Variants in RUSC2 observed in about 807,000 individuals in gnomAD.
RUSC2 encodes the protein AP-4 complex accessory subunit RUSC2.
Under a neutral mutation model 122.2 loss-of-function variants are expected in RUSC2, and 34 were observed. That is an observed-to-expected ratio of 0.28 (90% CI 0.21 to 0.37). RUSC2 has a LOEUF of 0.37. RUSC2 is among the 10% of genes least tolerant of loss of function. RUSC2 has a pLI of 1.00. For missense variants in RUSC2, 1,747 were observed against 1,952.4 expected, an observed-to-expected ratio of 0.89 and a Z score of 1.98; for synonymous variants, 784 against 790.0, an observed-to-expected ratio of 0.99 and a Z score of 0.13.
chr9:35,529,718 T>C (rs1821384569), intron 1 of RUSC2, among the ~76,000 whole-genome samples: 1 of 151,996 alleles, frequency 6.6e-6, no homozygotes, highest in Non-Finnish European at 1.5e-5. Context: ...ACTGAAGACA[T>C]ATCTGCTCAG....
chr9:35,547,832 A>G lies in RUSC2; in HGVS notation c.1311A>G (p.Pro437=), dbSNP rs754255711. 1 of 1,614,176 alleles carries G rather than the reference A, an allele frequency of 6.2e-7. No homozygotes were observed. The highest frequency in any genetic ancestry group is 1.7e-5 in the Admixed American group (1 of 60,022). ...ISPPPGPGPD[P]GPSQPSEYYL... is the part of the protein sequence containing the mutation. Reference sequence around the variant, plus strand: ...CCCCACCAGGCCCTGGCCCAGACCCAGGCCCCAGCCAGCCCTCTGAGTATT... The same window carrying G: ...CCCCACCAGGCCCTGGCCCAGACCCGGGCCCCAGCCAGCCCTCTGAGTATT... Residue 437 remains proline (P), a synonymous_variant, in exon 2 of 12, where the codon CCA becomes CCG. Transcript: ENST00000361226. The surrounding 1 kb of genome is among the most constrained non-coding windows in gnomAD (Gnocchi z 4.6).
At chr9:35,495,436 C>A (rs1820691616) in intron 1 of RUSC2, among the ~76,000 whole-genome samples, 1 of 150,774 alleles carries the variant, frequency 6.6e-6, no homozygotes, top group Non-Finnish European at 1.5e-5. Flanking sequence ...GACCTTTCCC[C>A]ACTGAATGGT....
intron 1 of RUSC2, among the ~76,000 whole-genome samples, chr9:35,521,357 A>T (rs769883616): frequency 2.6e-4 from 40 of 152,302 alleles, no homozygotes; most frequent in Middle Eastern, 3.4e-3. Context: ...TGTTTTCTAG[A>T]TTGAATCCCT....
chr9:35,516,499 A>T (rs1160399162), intron 1 of RUSC2, among the ~76,000 whole-genome samples: 1 of 152,210 alleles, frequency 6.6e-6, no homozygotes, highest in Non-Finnish European at 1.5e-5. Context: ...ACAGAAAGAT[A>T]AAGATGGTTT....
chr9:35,521,531 G>A (rs763084742), intron 1 of RUSC2, among the ~76,000 whole-genome samples: 12 of 152,162 alleles, frequency 7.9e-5, no homozygotes, highest in Non-Finnish European at 1.8e-4. Flanking sequence ...CTGAATTGGA[G>A]CCTTGGGCGC....
intron 1 of RUSC2, among the ~76,000 whole-genome samples, chr9:35,490,393 C>T (rs1011874404): frequency 2.6e-5 from 4 of 152,080 alleles, no homozygotes; most frequent in African/African-American, 9.7e-5. Flanking sequence ...TCTCCTGACC[C>T]TTCAGCTCTG....
chr9:35,548,813 T>G lies in RUSC2; in HGVS notation c.2014+278T>G. The G allele has an allele frequency of 1.1e-6, 1 of 892,432 alleles. No homozygotes were observed. Among genetic ancestry groups the G allele is most frequent in the Non-Finnish European group, 1.3e-6 (1 of 745,110 alleles). The allele number at this position is 892,432 out of a possible 1,614,324, so 55.3% of individuals were successfully genotyped here. A position where few individuals can be genotyped will look rare whatever the true frequency, so the allele number is the denominator to read the frequency against. On this transcript the variant is annotated intron_variant, in intron 2 of 11. Coordinates refer to ENST00000361226, the MANE Select transcript of RUSC2 (RefSeq NM_014806.5). The surrounding 1 kb of genome is among the most constrained non-coding windows in gnomAD (Gnocchi z 4.5). ...GGGAGGCCAAGCCAGGCGAATCACT[T>G]GAGGTCAGGAGTTTGAGACCAGCCT...
At chr9:35,524,580 T>C (rs1432169776) in intron 1 of RUSC2, among the ~76,000 whole-genome samples, 2 of 152,114 alleles carry the variant, frequency 1.3e-5, no homozygotes, top group East Asian at 3.8e-4. Context: ...TGTGTTGGGT[T>C]TTGTCTTGTT....
chr9:35,516,200 G>T (rs1015828780), intron 1 of RUSC2, among the ~76,000 whole-genome samples: 7 of 151,826 alleles, frequency 4.6e-5, no homozygotes, highest in Non-Finnish European at 8.8e-5. Flanking sequence ...TCATTCTTAG[G>T]ATGCTTCTAT....
chr9:35,517,033 T>C (rs1443786353), intron 1 of RUSC2, among the ~76,000 whole-genome samples: 1 of 152,224 alleles, frequency 6.6e-6, no homozygotes, highest in East Asian at 1.9e-4. Context: ...CATACAATTA[T>C]AAATTGTAAA....
intron 1 of RUSC2, among the ~76,000 whole-genome samples, chr9:35,535,691 A>C (rs963447197): frequency 2.0e-5 from 3 of 151,604 alleles, no homozygotes; most frequent in Non-Finnish European, 2.9e-5. Flanking sequence ...GGCGTCCACC[A>C]CCACGCCCGG....
rs1281079279 is a variant in RUSC2 at position 35,557,690 on chromosome 9, A to G, written c.2984-224A>G. Among the ~76,000 whole-genome samples, 2 of 152,208 alleles carry G rather than the reference A, an allele frequency of 1.3e-5. No individual in the cohort carries two copies. The highest frequency in any genetic ancestry group is 2.9e-5 in the Non-Finnish European group (2 of 68,042). On this transcript the variant is annotated intron_variant, in intron 5 of 11. Transcript: ENST00000361226. The surrounding 1 kb of genome is among the most constrained non-coding windows in gnomAD (Gnocchi z 4.6). ...GGACATTGAGAGGCTTGACAGTGGCATCACTGAGGTAGCTCCAGGCTGGGA... is the reference window on the plus strand; with the variant it reads ...GGACATTGAGAGGCTTGACAGTGGCGTCACTGAGGTAGCTCCAGGCTGGGA...
rs867654665 is a variant in RUSC2 at position 35,547,058 on chromosome 9, C to T, written c.537C>T (p.Thr179=). Residue 179 remains threonine (T), a synonymous_variant, in exon 2 of 12, where the codon ACC becomes ACT. Transcript: ENST00000361226. This position sits in a 1 kb window ranked among gnomAD's most constrained non-coding sequence, Gnocchi z 4.6. ...VEGQEQEPVM[T]LDTQQCGTSH... ...GGCAGGAACAGGAGCCAGTGATGAC[C>T]TTGGATACTCAGCAGTGCGGCACCA... The T allele has an allele frequency of 2.5e-6, 4 of 1,612,900 alleles. No individual in the cohort carries two copies. In the Middle Eastern group the frequency reaches 5.0e-4, roughly 200 times the overall value.
At chr9:35,525,069 C>T (rs1446064607) in intron 1 of RUSC2, among the ~76,000 whole-genome samples, 1 of 152,028 alleles carries the variant, frequency 6.6e-6, no homozygotes, top group African/African-American at 2.4e-5. Flanking sequence ...GATATATCAA[C>T]TGGCAAACTT....
chr9:35,518,259 G>GGTATTAACATGTC lies in RUSC2; in HGVS notation c.-93+28087_-93+28088insGTATTAACATGTC, dbSNP rs1300769418. Among the ~76,000 whole-genome samples, 6 of 152,310 alleles carry GGTATTAACATGTC rather than the reference G, an allele frequency of 3.9e-5. No individual in the cohort carries two copies. In the East Asian group the frequency reaches 1.2e-3, roughly 29 times the overall value. ...TAAGGTATTAACATGTCGTGTCACT[G>GGTATTAACATGTC]ATGATGACCTAGGATTGCAGGAAGA... On this transcript the variant is annotated intron_variant, in intron 1 of 11. Coordinates refer to ENST00000361226, the MANE Select transcript of RUSC2 (RefSeq NM_014806.5).
chr9:35,495,959 A>T (rs1409800802), intron 1 of RUSC2, among the ~76,000 whole-genome samples: 2 of 152,112 alleles, frequency 1.3e-5, no homozygotes, highest in Non-Finnish European at 2.9e-5. Flanking sequence ...TTTCCATTTC[A>T]GATTGTTCAT....
chr9:35,507,378 C>A lies in RUSC2; in HGVS notation c.-93+17206C>A, dbSNP rs536548616. On this transcript the variant is annotated intron_variant, in intron 1 of 11. Coordinates refer to ENST00000361226, the MANE Select transcript of RUSC2 (RefSeq NM_014806.5). ...TAGTCCTTTAACTTCAATAAAACTT[C>A]ACTGATACTACATTCTTTTAAAAGT... Among the ~76,000 whole-genome samples, 78 of 152,294 alleles carry A rather than the reference C, an allele frequency of 5.1e-4. 1 individual carries two copies. The highest frequency in any genetic ancestry group is 1.9e-3 in the African/African-American group (77 of 41,556).
rs1822070192 is a variant in RUSC2 at position 35,558,444 on chromosome 9, AC to A, written c.3236-15del. On this transcript the variant is annotated splice_polypyrimidine_tract_variant and intron_variant, in intron 7 of 11. Coordinates refer to ENST00000361226, the MANE Select transcript of RUSC2 (RefSeq NM_014806.5). This position sits in a 1 kb window ranked among gnomAD's most constrained non-coding sequence, Gnocchi z 4.3. ...CCAGAAATTGGTCATGTGACCTGCAACCCTGGCTTCCTCCCAGGCCCATCCA... is the reference window on the plus strand; with the variant it reads ...CCAGAAATTGGTCATGTGACCTGCAACCTGGCTTCCTCCCAGGCCCATCCA... The A allele has an allele frequency of 6.2e-7, 1 of 1,613,752 alleles. No individual in the cohort carries two copies. Among genetic ancestry groups the A allele is most frequent in the South Asian group, 1.1e-5 (1 of 91,072 alleles).
intron 1 of RUSC2, among the ~76,000 whole-genome samples, chr9:35,542,710 T>C (rs1821664983): frequency 6.6e-6 from 1 of 152,236 alleles, no homozygotes; most frequent in Non-Finnish European, 1.5e-5. Context: ...TGTGCTCCAG[T>C]CTGGGAGATA....
Sources: gnomAD v4.1 joint callset for allele counts (sites outside exome capture counted in the v4.1 genomes callset) on GRCh38, gnomAD v4.1.1 for gene constraint, Gnocchi (gnomAD v3.1) non-coding constraint, MANE v1.5 for transcripts, NCBI Gene and HGNC (gene_info 2026-07-23, HGNC 2026-07-21) for gene names.